Variants in PAPPA observed in about 807,000 individuals in gnomAD.
PAPPA encodes pappalysin-1.
Under a neutral mutation model 164.0 loss-of-function variants are expected in PAPPA, and 60 were observed. The ratio of observed to expected loss-of-function variants is 0.37; its 90% CI spans 0.30 to 0.45. PAPPA has a LOEUF of 0.45. Among genes scored for constraint, PAPPA ranks in the 20% least tolerant of loss-of-function variants. The pLI is 1.00. For synonymous variants in PAPPA, 875 were observed against 814.1 expected (o/e 1.07, Z -1.27); for missense variants, 1,782 against 2,087.3 (o/e 0.85, Z 2.85).
Position 116,397,622 on chromosome 9 carries a change from T to G in PAPPA, c.*1006T>G, listed in dbSNP as rs903756649. 6.6e-6 allele frequency: 1 copy of G among 152,638 alleles called. No individual in the cohort carries two copies. The highest frequency in any genetic ancestry group is 1.5e-5 in the Non-Finnish European group (1 of 68,048). 9.5% of individuals were successfully genotyped at this position (152,638 alleles called of 1,614,324 possible). On this transcript the variant is annotated 3_prime_UTR_variant, in exon 22 of 22. Transcript: ENST00000328252. ...AGAGAAAAACCCTCATGGGTCCACA[T>G]GGTGAGAAGTTAAGTTTCCTGTAAG...
At chr9:116,194,612 A>G (rs1171899779) in intron 2 of PAPPA, among the ~76,000 whole-genome samples, 2 of 152,156 alleles carry the variant, frequency 1.3e-5, no homozygotes, top group African/African-American at 4.8e-5. Context: ...GCTCAGTAAG[A>G]GCCGCTGGTT....
At chr9:116,162,568 G>A (rs1204964524) in intron 1 of PAPPA, among the ~76,000 whole-genome samples, 3 of 152,096 alleles carry the variant, frequency 2.0e-5, no homozygotes, top group African/African-American at 7.2e-5. Context: ...TGTGACCTTG[G>A]GCAAGTTACT....
At chr9:116,355,867 A>T (rs1293072455) in intron 17 of PAPPA, among the ~76,000 whole-genome samples, 2 of 151,970 alleles carry the variant, frequency 1.3e-5, no homozygotes, top group African/African-American at 2.4e-5. Flanking sequence ...TGCCAAATGG[A>T]CTCCTAATAC....
intron 7 of PAPPA, among the ~76,000 whole-genome samples, chr9:116,261,913 A>T (rs979830438): frequency 7.4e-5 from 9 of 120,838 alleles, no homozygotes; most frequent in African/African-American, 2.1e-4. Flanking sequence ...TGTTTTGTTT[A>T]AAAAAAAAAT....
intron 7 of PAPPA, among the ~76,000 whole-genome samples, chr9:116,244,657 A>C (rs1489909004): frequency 6.6e-6 from 1 of 152,192 alleles, no homozygotes; most frequent in Non-Finnish European, 1.5e-5. Flanking sequence ...TAAAAAGATA[A>C]AAAATAACAG....
intron 18 of PAPPA, among the ~76,000 whole-genome samples, chr9:116,364,261 C>G (rs150383213): frequency 2.6e-5 from 4 of 152,210 alleles, no homozygotes. Context: ...TTCATTCATA[C>G]TCTTAACTGG....
In PAPPA at chr9:116,396,650, G is replaced by A. The variant is rs769575002; in HGVS notation, c.*34G>A. On this transcript the variant is annotated 3_prime_UTR_variant, in exon 22 of 22. Transcript: ENST00000328252. ...AAGAAGTTGTCAAAGAATTCCCAACGCCAGGACCCACATCCCTTTGGTATT... is the reference window on the plus strand; with the variant it reads ...AAGAAGTTGTCAAAGAATTCCCAACACCAGGACCCACATCCCTTTGGTATT... 2.3e-5 allele frequency: 18 copies of A among 777,098 alleles called. No homozygotes were observed. In the East Asian group the frequency reaches 3.9e-4, roughly 17 times the overall value. The allele number at this position is 777,098 out of a possible 1,614,324, so 48.1% of individuals were successfully genotyped here.
At chr9:116,320,050 C>T (rs986674677) in intron 10 of PAPPA, among the ~76,000 whole-genome samples, 1 of 152,300 alleles carries the variant, frequency 6.6e-6, no homozygotes, top group Middle Eastern at 3.4e-3. Flanking sequence ...TGAGTAGTCT[C>T]TAAGAATCAA....
intron 1 of PAPPA, among the ~76,000 whole-genome samples, chr9:116,183,895 G>A (rs1301753611): frequency 1.3e-5 from 2 of 152,134 alleles, no homozygotes; most frequent in East Asian, 1.9e-4. Flanking sequence ...CCCCGGCAAG[G>A]TTCTGAACTG....
At chr9:116,388,771 A>G (rs1264566830) in intron 21 of PAPPA, among the ~76,000 whole-genome samples, 1 of 152,222 alleles carries the variant, frequency 6.6e-6, no homozygotes, top group East Asian at 1.9e-4. Flanking sequence ...AGAGAATAAG[A>G]AGAGGTTAAT....
chr9:116,214,752 C>G (rs1844350186), intron 4 of PAPPA, among the ~76,000 whole-genome samples: 1 of 152,198 alleles, frequency 6.6e-6, no homozygotes, highest in African/African-American at 2.4e-5. Context: ...GGAGGACACT[C>G]TGGTCCTCAA....
At chr9:116,234,133 G>A (rs901326138) in intron 6 of PAPPA, among the ~76,000 whole-genome samples, 1 of 152,134 alleles carries the variant, frequency 6.6e-6, no homozygotes, top group African/African-American at 2.4e-5. Context: ...ACAAATTAGA[G>A]CCAATCACTA....
At chr9:116,242,061 C>T (rs773338971) in intron 7 of PAPPA, among the ~76,000 whole-genome samples, 33 of 152,032 alleles carry the variant, frequency 2.2e-4, no homozygotes, top group Non-Finnish European at 4.1e-4. Context: ...TTCTGTGCTA[C>T]GAATGCAGCC....
chr9:116,270,301 C>G (rs1407773288), intron 8 of PAPPA, among the ~76,000 whole-genome samples: 1 of 152,166 alleles, frequency 6.6e-6, no homozygotes, highest in Non-Finnish European at 1.5e-5. Context: ...GAGCACTGTT[C>G]AATGGATTTT....
At position 116,176,614 on chromosome 9, in the gene PAPPA, A is replaced by G. The variant is rs139838081; in HGVS notation, c.416-10540A>G. Among the ~76,000 whole-genome samples, 13 of 152,280 alleles carry G rather than the reference A, an allele frequency of 8.5e-5. No individual in the cohort carries two copies. In the East Asian group the frequency reaches 2.3e-3, roughly 27 times the overall value. On this transcript the variant is annotated intron_variant, in intron 1 of 21. Coordinates refer to ENST00000328252, the MANE Select transcript of PAPPA (RefSeq NM_002581.5). Reference sequence around the variant, plus strand: ...ATCATATCTCACACCCCAGCTTGGAAAGATAAATATCCCTCTCTCCTGTTA... The same window carrying G: ...ATCATATCTCACACCCCAGCTTGGAGAGATAAATATCCCTCTCTCCTGTTA...
chr9:116,291,017 G>C (rs1451872654), intron 9 of PAPPA, among the ~76,000 whole-genome samples: 1 of 151,960 alleles, frequency 6.6e-6, no homozygotes, highest in Non-Finnish European at 1.5e-5. Context: ...TTCATATCTT[G>C]AGATATCATT....
In PAPPA at chr9:116,207,541, G is replaced by A; in HGVS notation, c.1564G>A (p.Glu522Lys). 6.2e-7 allele frequency: 1 copy of A among 1,613,564 alleles called. No individual in the cohort carries two copies. The highest frequency in any genetic ancestry group is 1.1e-5 in the South Asian group (1 of 91,050). ...HLNIFFAKSS[E>K]EELAGVATWP... is the part of the protein sequence containing the mutation. ...CAATATTTTCTTTGCAAAATCCTCAGAGGAGGAGTTGGCAGGAGTAGCAAC... is the reference window on the plus strand; with the variant it reads ...CAATATTTTCTTTGCAAAATCCTCAAAGGAGGAGTTGGCAGGAGTAGCAAC... Residue 522 changes from glutamate (E) to lysine (K), a missense_variant, in exon 3 of 22, where the codon GAG (glutamate) becomes AAG (lysine). By Grantham distance (56) the Glu-to-Lys change is moderately conservative. Around this residue, in one of 2 missense-constraint regions of PAPPA, gnomAD observed 1,324 missense variants for 1,656.9 expected, o/e 0.80. Transcript: ENST00000328252.
At chr9:116,335,729 T>G (rs1846053300) in intron 13 of PAPPA, among the ~76,000 whole-genome samples, 1 of 152,164 alleles carries the variant, frequency 6.6e-6, no homozygotes, top group South Asian at 2.1e-4. Flanking sequence ...TACTCTTACT[T>G]GGGTTTGAAC....
At chr9:116,155,531 C>T (rs1364968846) in intron 1 of PAPPA, among the ~76,000 whole-genome samples, 1 of 152,174 alleles carries the variant, frequency 6.6e-6, no homozygotes, top group East Asian at 1.9e-4. Flanking sequence ...CTGGGAGATT[C>T]CCTTTCTGCA....
Sources: gnomAD v4.1 joint callset for allele counts (sites outside exome capture counted in the v4.1 genomes callset) on GRCh38, gnomAD v4.1.1 for gene constraint, gnomAD v4.1.1 regional missense constraint, MANE v1.5 for transcripts, NCBI Gene and HGNC (gene_info 2026-07-23, HGNC 2026-07-21) for gene names.